Variants in SREK1IP1 observed in about 807,000 individuals in gnomAD.
The protein encoded by SREK1IP1 is SREK1 interacting protein 1, also known as protein SREK1IP1.
In SREK1IP1, 12 loss-of-function variants were observed where a neutral mutation model predicts 22.8. The observed-to-expected ratio is 0.53, with a 90% CI of 0.34 to 0.85. SREK1IP1 has a LOEUF of 0.85. Among genes scored for constraint, SREK1IP1 ranks in the 40% least tolerant of loss-of-function variants. The pLI, the probability that SREK1IP1 is intolerant of heterozygous loss-of-function variation, is 0.02. For missense variants in SREK1IP1, 147 were observed against 171.8 expected (o/e 0.86, Z 0.81); for synonymous variants, 53 against 52.7 (o/e 1.01, Z -0.02).
chr5:64,727,048 G>A (rs1165900865), intron 4 of SREK1IP1, among the ~76,000 whole-genome samples: 1 of 152,088 alleles, frequency 6.6e-6, no homozygotes, highest in African/African-American at 2.4e-5. Context: ...ATTCCTATTT[G>A]TTTTTATATT....
At chr5:64,766,915 A>C (rs751811723) in intron 1 of SREK1IP1, among the ~76,000 whole-genome samples, 1 of 152,244 alleles carries the variant, frequency 6.6e-6, no homozygotes, top group Non-Finnish European at 1.5e-5. Context: ...ATATTAGTCA[A>C]TATTAGCTAC....
At chr5:64,755,739 A>T (rs2112109529) in intron 1 of SREK1IP1, among the ~76,000 whole-genome samples, 1 of 152,254 alleles carries the variant, frequency 6.6e-6, no homozygotes, top group East Asian at 1.9e-4. Context: ...AAAATCTAGT[A>T]AACAGTTAAG....
intron 4 of SREK1IP1, among the ~76,000 whole-genome samples, chr5:64,724,985 CTATTT>C (rs1382562327): frequency 5.0e-4 from 76 of 152,114 alleles, no homozygotes; most frequent in Non-Finnish European, 1.3e-4. Context: ...TTGCAATTCT[CTATTT>C]TAAAGGGCTA....
chr5:64,723,670 G>C lies in SREK1IP1; in HGVS notation c.*714C>G, dbSNP rs6887490. The stretch of plus-strand genomic sequence containing the variant: ...ATCATCTCTGCAGACTTACTAACAG[G>C]CTGAACTAATCTCTTTATACAAGAA... On this transcript the variant is annotated 3_prime_UTR_variant, in exon 5 of 5. Transcript: ENST00000513458. 0.043 allele frequency: 6,507 copies of C among 152,440 alleles called. 397 individuals carry two copies. Among genetic ancestry groups the C allele is most frequent in the African/African-American group, 0.13 (5,443 of 41,412 alleles). The allele number at this position is 152,440 out of a possible 1,614,324, so 9.4% of individuals were successfully genotyped here. A position where few individuals can be genotyped will look rare whatever the true frequency, so the allele number is the denominator to read the frequency against.
Position 64,742,396 on chromosome 5 carries a change from C to T in SREK1IP1, c.62-1196G>A, listed in dbSNP as rs116758628. Among the ~76,000 whole-genome samples the T allele has an allele frequency of 6.4e-3, 977 of 152,034 alleles. 11 individuals are homozygous for T. Among genetic ancestry groups the T allele is most frequent in the African/African-American group, 0.023 (952 of 41,472 alleles). On this transcript the variant is annotated intron_variant, in intron 2 of 4. Transcript: ENST00000513458. ...AATAATGCAAACAAGTGCACTCATACACACATTCATGGATAAATACACCCT... is the reference window on the plus strand; with the variant it reads ...AATAATGCAAACAAGTGCACTCATATACACATTCATGGATAAATACACCCT...
chr5:64,768,056 A>G (rs1743083932), intron 1 of SREK1IP1, among the ~76,000 whole-genome samples: 1 of 152,188 alleles, frequency 6.6e-6, no homozygotes, highest in Admixed American at 6.5e-5. Flanking sequence ...GCTACATACA[A>G]CAGGAAGAGC....
intron 3 of SREK1IP1, among the ~76,000 whole-genome samples, chr5:64,740,662 T>C (rs1271296744): frequency 6.6e-6 from 1 of 152,144 alleles, no homozygotes; most frequent in Non-Finnish European, 1.5e-5. Flanking sequence ...CATTTGACAA[T>C]CCAACATTTT....
At chr5:64,725,618 T>C (rs1427936783) in intron 4 of SREK1IP1, among the ~76,000 whole-genome samples, 1 of 152,162 alleles carries the variant, frequency 6.6e-6, no homozygotes, top group Admixed American at 6.5e-5. Flanking sequence ...ATTTTTGTAA[T>C]GTTGTGTTCC....
chr5:64,748,073 A>T (rs1206014194), intron 2 of SREK1IP1, among the ~76,000 whole-genome samples: 1 of 152,246 alleles, frequency 6.6e-6, no homozygotes, highest in Non-Finnish European at 1.5e-5. Context: ...ACTTGTCATA[A>T]TAGCTAAAAT....
intron 3 of SREK1IP1, among the ~76,000 whole-genome samples, chr5:64,730,041 A>C (rs887913671): frequency 1.3e-5 from 2 of 152,190 alleles, no homozygotes; most frequent in African/African-American, 4.8e-5. Context: ...AAAAAAATAC[A>C]GGGAGTAAAG....
At chr5:64,748,163 A>T (rs1480055218) in intron 2 of SREK1IP1, among the ~76,000 whole-genome samples, 1 of 152,214 alleles carries the variant, frequency 6.6e-6, no homozygotes, top group African/African-American at 2.4e-5. Flanking sequence ...TAATCCAGCC[A>T]TTAAAACGAA....
rs1373351076 is a variant in SREK1IP1 at position 64,721,590 on chromosome 5, G to A, written c.*2794C>T. On this transcript the variant is annotated 3_prime_UTR_variant, in exon 5 of 5. Coordinates refer to ENST00000513458, the MANE Select transcript of SREK1IP1 (RefSeq NM_173829.4). ...ATATGATATGCAAAAAAAAAAAAGG[G>A]GGAAATTGTGTGGTGAGAAGGTCCA... 6.6e-6 allele frequency: 1 copy of A among 151,730 alleles called. No homozygotes were observed. Among genetic ancestry groups the A allele is most frequent in the Non-Finnish European group, 1.5e-5 (1 of 67,952 alleles). 9.4% of individuals were successfully genotyped at this position (151,730 alleles called of 1,614,324 possible). A position where few individuals can be genotyped will look rare whatever the true frequency, so the allele number is the denominator to read the frequency against.
intron 1 of SREK1IP1, among the ~76,000 whole-genome samples, chr5:64,756,873 G>A (rs1206187770): frequency 6.6e-6 from 1 of 152,034 alleles, no homozygotes; most frequent in Admixed American, 6.6e-5. Context: ...TGATCCGCCT[G>A]CCTTAGCTTC....
intron 1 of SREK1IP1, chr5:64,754,615 C>T (rs1742806178): frequency 2.7e-6 from 1 of 371,000 alleles, no homozygotes; most frequent in Admixed American, 3.8e-5. Flanking sequence ...AGGCATGTGC[C>T]ACCACACCTG....
At chr5:64,757,364 C>A (rs556487794) in intron 1 of SREK1IP1, among the ~76,000 whole-genome samples, 1 of 152,282 alleles carries the variant, frequency 6.6e-6, no homozygotes, top group East Asian at 1.9e-4. Context: ...CCACTGCACT[C>A]CAGCCTAGGT....
chr5:64,754,190 G>A (rs1454575434), intron 2 of SREK1IP1, 125 bp downstream of exon 2: 1 of 819,522 alleles, frequency 1.2e-6, no homozygotes, highest in Non-Finnish European at 2.0e-6. Context: ...GTAACTAGAT[G>A]TTAGCTTAGG....
intron 2 of SREK1IP1, among the ~76,000 whole-genome samples, chr5:64,754,056 TA>T (rs1295307267): frequency 6.6e-6 from 1 of 152,240 alleles, no homozygotes; most frequent in Non-Finnish European, 1.5e-5. Context: ...CCAAACTCCT[TA>T]ATCTACTACT....
intron 1 of SREK1IP1, among the ~76,000 whole-genome samples, chr5:64,763,052 C>T (rs1253092670): frequency 6.6e-6 from 1 of 150,942 alleles, no homozygotes; most frequent in African/African-American, 2.4e-5. Flanking sequence ...ACTCTGTCTC[C>T]AAATAAATAT....
intron 2 of SREK1IP1, among the ~76,000 whole-genome samples, chr5:64,746,893 G>A (rs1466017947): frequency 6.6e-6 from 1 of 152,214 alleles, no homozygotes; most frequent in Non-Finnish European, 1.5e-5. Context: ...AGCTTTATAA[G>A]GTCAGGGGGT....
Sources: allele counts gnomAD v4.1 joint callset (sites outside exome capture counted in the v4.1 genomes callset), GRCh38; gene constraint gnomAD v4.1.1; transcripts MANE v1.5; gene names NCBI Gene and HGNC (gene_info 2026-07-23, HGNC 2026-07-21).